C10orf67: variants seen among roughly 807,000 people sequenced by gnomAD.
C10orf67 encodes the protein uncharacterized protein C10orf67, mitochondrial.
A neutral mutation model predicts 35.6 loss-of-function variants in C10orf67; 60 were observed. The observed-to-expected ratio is 1.68, with a 90% CI of 1.37 to 2.09. The LOEUF (loss-of-function observed/expected upper bound fraction) is 2.09, where lower values mean the gene tolerates loss of function less well. Among genes scored for constraint, C10orf67 ranks in the 30% most tolerant of loss-of-function variants. The pLI is 0.00. For synonymous variants in C10orf67, 167 were observed against 115.8 expected (o/e 1.44, Z -2.84); for missense variants, 474 against 330.2 (o/e 1.44, Z -3.38).
In C10orf67 at chr10:23,274,767, G is replaced by A. The variant is rs182807656; in HGVS notation, c.975+7246C>T. ...CAGCTTACAAAGATGACGGGATTGA[G>A]AGATTAAATCCTATGCCTAGGATTT... On this transcript the variant is annotated intron_variant, in intron 8 of 15. Transcript: ENST00000636213. 1.4e-4 allele frequency among the ~76,000 whole-genome samples: 22 copies of A among 152,246 alleles called. No homozygotes were observed. In the East Asian group the frequency reaches 4.1e-3, roughly 28 times the overall value.
chr10:23,214,271 T>A (rs1038759960), intron 15 of C10orf67, among the ~76,000 whole-genome samples: 1 of 152,050 alleles, frequency 6.6e-6, no homozygotes, highest in Non-Finnish European at 1.5e-5. Flanking sequence ...AGGCATACAA[T>A]AAATTAGAAG....
intron 10 of C10orf67, among the ~76,000 whole-genome samples, chr10:23,253,746 G>C (rs1159117852): frequency 6.6e-6 from 1 of 151,958 alleles, no homozygotes; most frequent in Non-Finnish European, 1.5e-5. Context: ...TTCATATAAT[G>C]ATCAACTATG....
intron 13 of C10orf67, among the ~76,000 whole-genome samples, chr10:23,235,012 C>CAAAAAAAAAAAAAAAAAAAGAAAAA (rs1842009814): frequency 1.3e-5 from 1 of 76,050 alleles, no homozygotes; most frequent in African/African-American, 4.9e-5. Context: ...AATTCCATCT[C>CAAAAAAAAAAAAAAAAAAAGAAAAA]AAAAAAAAAA....
chr10:23,336,576 G>A (rs1845688953), intron 1 of C10orf67, among the ~76,000 whole-genome samples: 1 of 152,150 alleles, frequency 6.6e-6, no homozygotes, highest in Non-Finnish European at 1.5e-5. Flanking sequence ...GTGCAGTGGT[G>A]TGATCTCAGC....
At chr10:23,212,830 G>A (rs1841346388) in intron 15 of C10orf67, among the ~76,000 whole-genome samples, 1 of 122,306 alleles carries the variant, frequency 8.2e-6, no homozygotes, top group African/African-American at 2.9e-5. Flanking sequence ...AGAGACGTAA[G>A]CATGCAAACC....
intron 7 of C10orf67, among the ~76,000 whole-genome samples, chr10:23,286,828 C>G (rs1843554566): frequency 6.6e-6 from 1 of 152,202 alleles, no homozygotes; most frequent in Non-Finnish European, 1.5e-5. Flanking sequence ...AGAAAATGAA[C>G]TCCCCTTGTG....
chr10:23,259,465 T>C (rs1462298024), intron 10 of C10orf67, among the ~76,000 whole-genome samples: 2 of 152,206 alleles, frequency 1.3e-5, no homozygotes. Context: ...AAAAGTGACT[T>C]ATATTCAAAG....
chr10:23,220,174 GA>G (rs1009244725), intron 15 of C10orf67, among the ~76,000 whole-genome samples: 13 of 146,796 alleles, frequency 8.9e-5, no homozygotes, highest in East Asian at 2.0e-4. Context: ...CCCATCTCAA[GA>G]AAAAAAAAAG....
At chr10:23,233,549 A>G (rs1841967099) in intron 13 of C10orf67, among the ~76,000 whole-genome samples, 1 of 152,248 alleles carries the variant, frequency 6.6e-6, no homozygotes, top group Non-Finnish European at 1.5e-5. Flanking sequence ...AAATGTAAGT[A>G]TAAATAATTG....
chr10:23,309,589 C>A (rs2132302569), intron 4 of C10orf67, among the ~76,000 whole-genome samples: 1 of 152,298 alleles, frequency 6.6e-6, no homozygotes, highest in South Asian at 2.1e-4. Context: ...AGCGCAGAAA[C>A]CAATGCACTA....
At chr10:23,329,560 A>C (rs753821512) in intron 2 of C10orf67, among the ~76,000 whole-genome samples, 2 of 152,094 alleles carry the variant, frequency 1.3e-5, no homozygotes, top group Non-Finnish European at 2.9e-5. Context: ...TCTTGGTACC[A>C]AGATTGAACA....
intron 2 of C10orf67, among the ~76,000 whole-genome samples, chr10:23,331,115 C>T (rs1173686712): frequency 1.3e-4 from 1 of 7,594 alleles, no homozygotes; most frequent in African/African-American, 1.1e-3. Flanking sequence ...GGACGGGAAC[C>T]AGGACAGGAA....
chr10:23,258,879 T>C (rs951201963), intron 10 of C10orf67, among the ~76,000 whole-genome samples: 1 of 152,240 alleles, frequency 6.6e-6, no homozygotes, highest in Non-Finnish European at 1.5e-5. Flanking sequence ...CCATCCTATT[T>C]AGAGTTCAAC....
chr10:23,274,539 C>T (rs565352341), intron 8 of C10orf67, among the ~76,000 whole-genome samples: 2 of 152,258 alleles, frequency 1.3e-5, no homozygotes, highest in South Asian at 4.2e-4. Context: ...TTTATATAGG[C>T]TCCCTGCAGG....
chr10:23,343,239 T>G (rs1016721177), intron 1 of C10orf67, among the ~76,000 whole-genome samples: 6 of 152,126 alleles, frequency 3.9e-5, no homozygotes, highest in Non-Finnish European at 2.9e-5. Flanking sequence ...GTGTGGACTT[T>G]GGAGGTGACT....
At chr10:23,234,688 A>T (rs527948116) in intron 13 of C10orf67, among the ~76,000 whole-genome samples, 34 of 152,078 alleles carry the variant, frequency 2.2e-4, no homozygotes, top group Admixed American at 8.5e-4. Flanking sequence ...TATAAGTTAA[A>T]TAATGAGTTT....
intron 3 of C10orf67, among the ~76,000 whole-genome samples, chr10:23,322,143 C>T (rs1011084625): frequency 6.6e-6 from 1 of 152,140 alleles, no homozygotes; most frequent in Non-Finnish European, 1.5e-5. Flanking sequence ...CCTCAGTTTT[C>T]TCATCTGTAA....
At chr10:23,329,149 T>C (rs568584288) in intron 2 of C10orf67, among the ~76,000 whole-genome samples, 1 of 151,648 alleles carries the variant, frequency 6.6e-6, no homozygotes, top group Non-Finnish European at 1.5e-5. Context: ...TAAAATTGAG[T>C]GTCTGAAATA....
At chr10:23,338,342 T>A (rs1445891346) in intron 1 of C10orf67, among the ~76,000 whole-genome samples, 1 of 152,006 alleles carries the variant, frequency 6.6e-6, no homozygotes, top group Non-Finnish European at 1.5e-5. Flanking sequence ...AGGTGCTGAG[T>A]GTCTAACTAG....
Sources: gnomAD v4.1 joint callset for allele counts (sites outside exome capture counted in the v4.1 genomes callset) on GRCh38, gnomAD v4.1.1 for gene constraint, MANE v1.5 for transcripts, NCBI Gene and HGNC (gene_info 2026-07-23, HGNC 2026-07-21) for gene names.